ROBO2: variants seen among roughly 807,000 people sequenced by gnomAD.
ROBO2 encodes roundabout homolog 2.
A neutral mutation model predicts 160.8 loss-of-function variants in ROBO2; 53 were observed. That is an observed-to-expected ratio of 0.33 (90% CI 0.26 to 0.41). The LOEUF (loss-of-function observed/expected upper bound fraction) is 0.41, where lower values mean the gene tolerates loss of function less well. Ranked by LOEUF, ROBO2 falls within the 10% of genes least tolerant of loss-of-function variation. ROBO2 has a pLI of 1.00. For synonymous variants in ROBO2, 664 were observed against 611.7 expected, an observed-to-expected ratio of 1.09 and a Z score of -1.26; for missense variants, 1,577 against 1,722.4, an observed-to-expected ratio of 0.92 and a Z score of 1.49.
At chr3:76,347,031 A>G (rs966863406) in intron 2 of ROBO2, among the ~76,000 whole-genome samples, 1 of 152,172 alleles carries the variant, frequency 6.6e-6, no homozygotes, top group African/African-American at 2.4e-5. Flanking sequence ...TGAACACCTA[A>G]GGAGAAATAC....
At chr3:77,323,001 T>TAC in intron 2 of ROBO2, among the ~76,000 whole-genome samples, 1 of 786 alleles carries the variant, frequency 1.3e-3, no homozygotes, top group Non-Finnish European at 0.033. Context: ...TATAATATAT[T>TAC]ATATTATATT....
At position 77,323,592 on chromosome 3, in the gene ROBO2, G is replaced by T. The variant is rs377558029; in HGVS notation, c.389-153822G>T. ...GTGCATGCCTTTGGACTCTATTTGT[G>T]TATAGAGCTAAACCAATATTTGATA... is the stretch of plus-strand genomic sequence containing the variant. On this transcript the variant is annotated intron_variant, in intron 2 of 25. Coordinates refer to ENST00000461745, the Ensembl canonical transcript of ROBO2. Among the ~76,000 whole-genome samples the T allele has an allele frequency of 2.0e-5, 3 of 152,086 alleles. No homozygotes were observed. The South Asian group carries it at 6.2e-4, about 31-fold the overall frequency.
intron 21 of ROBO2, among the ~76,000 whole-genome samples, chr3:77,613,324 C>T (rs942378174): frequency 1.3e-5 from 2 of 151,774 alleles, no homozygotes; most frequent in African/African-American, 2.4e-5. Context: ...AAATAACAGA[C>T]TATTTCCATT....
chr3:75,977,988 A>C (rs909254315), intron 2 of ROBO2, among the ~76,000 whole-genome samples: 1 of 151,564 alleles, frequency 6.6e-6, no homozygotes, highest in Non-Finnish European at 1.5e-5. Flanking sequence ...AAGGAAGTTA[A>C]ATTAGCAAGA....
chr3:77,610,067 AATAG>A (rs1397150484), intron 21 of ROBO2, among the ~76,000 whole-genome samples: 1 of 151,502 alleles, frequency 6.6e-6, no homozygotes, highest in East Asian at 1.9e-4. Context: ...AATAAAAATT[AATAG>A]ATTGGGCATG....
At chr3:76,932,115 A>G (rs887052678) in intron 2 of ROBO2, among the ~76,000 whole-genome samples, 3 of 152,142 alleles carry the variant, frequency 2.0e-5, no homozygotes, top group African/African-American at 7.2e-5. Context: ...ACTTCCAAAC[A>G]TAGACTACCA....
intron 2 of ROBO2, among the ~76,000 whole-genome samples, chr3:77,350,034 G>A (rs2068128844): frequency 6.6e-6 from 1 of 151,468 alleles, no homozygotes; most frequent in Non-Finnish European, 1.5e-5. Flanking sequence ...TGATTTCACT[G>A]ACACCTGTAC....
intron 2 of ROBO2, among the ~76,000 whole-genome samples, chr3:75,995,312 C>T (rs2065693508): frequency 6.6e-6 from 1 of 152,108 alleles, no homozygotes; most frequent in South Asian, 2.1e-4. Flanking sequence ...AGTCTCAGGG[C>T]TTGGTGCTCT....
intron 2 of ROBO2, among the ~76,000 whole-genome samples, chr3:75,982,345 C>T (rs1576373440): frequency 6.6e-6 from 1 of 151,354 alleles, no homozygotes; most frequent in East Asian, 1.9e-4. Context: ...TGAGGAACTG[C>T]CAAACTGTTC....
At position 76,279,060 on chromosome 3, in the gene ROBO2, G is replaced by GA. The variant is rs1192277823; in HGVS notation, c.109+341462dup. ...TTATTGCAGCAAACATTTATGTATAGAAAATACAAACACATATTTTAATTA... is the reference window on the plus strand; with the variant it reads ...TTATTGCAGCAAACATTTATGTATAGAAAAATACAAACACATATTTTAATTA... On this transcript the variant is annotated intron_variant, in intron 2 of 26. Coordinates refer to the ROBO2 transcript ENST00000487694. 4.6e-5 allele frequency among the ~76,000 whole-genome samples: 7 copies of GA among 151,518 alleles called. No individual in the cohort carries two copies. The Admixed American group carries it at 4.6e-4, about 10-fold the overall frequency.
chr3:77,266,188 C>CT (rs879905756), intron 2 of ROBO2, among the ~76,000 whole-genome samples: 216 of 144,952 alleles, frequency 1.5e-3, no homozygotes, highest in Middle Eastern at 7.1e-3. Flanking sequence ...TTTATTTCTA[C>CT]TTTTTTTTTT....
chr3:76,578,380 C>CGAGA lies in ROBO2; in HGVS notation c.110-519634_110-519633insGAGA, dbSNP rs2085446899. 2.0e-5 allele frequency among the ~76,000 whole-genome samples: 3 copies of CGAGA among 152,078 alleles called. 1 individual carries two copies. Among genetic ancestry groups the CGAGA allele is most frequent in the Non-Finnish European group, 4.4e-5 (3 of 68,000 alleles). ...TACTCATTTTCTCAGTCGAGCTTCC[C>CGAGA]AATAAAATTGTCTACACAGGCTGGC... On this transcript the variant is annotated intron_variant, in intron 2 of 26. Transcript: ENST00000487694.
At chr3:76,672,037 G>A (rs1209232835) in intron 2 of ROBO2, among the ~76,000 whole-genome samples, 1 of 151,872 alleles carries the variant, frequency 6.6e-6, no homozygotes, top group Non-Finnish European at 1.5e-5. Context: ...GATTAAGATG[G>A]TCTATGAATA....
chr3:77,435,377 C>A (rs909402083), intron 2 of ROBO2, among the ~76,000 whole-genome samples: 1 of 151,816 alleles, frequency 6.6e-6, no homozygotes, highest in African/African-American at 2.4e-5. Context: ...AGAAACTGAT[C>A]TATTATGAAA....
At chr3:76,463,525 G>T (rs1250400432) in intron 2 of ROBO2, among the ~76,000 whole-genome samples, 1 of 151,948 alleles carries the variant, frequency 6.6e-6, no homozygotes, top group African/African-American at 2.4e-5. Context: ...TCACTTTTGG[G>T]GAAATTAGGG....
At chr3:77,575,257 G>T (rs2093732423) in intron 14 of ROBO2, among the ~76,000 whole-genome samples, 1 of 151,982 alleles carries the variant, frequency 6.6e-6, no homozygotes, top group African/African-American at 2.4e-5. Flanking sequence ...TTACCTAAAG[G>T]TATGTTAAAG....
chr3:77,123,809 T>G (rs2075027482), intron 2 of ROBO2, among the ~76,000 whole-genome samples: 1 of 149,202 alleles, frequency 6.7e-6, no homozygotes, highest in African/African-American at 2.4e-5. Flanking sequence ...AATCTATCTA[T>G]ATAGATACAC....
At chr3:77,012,373 C>T (rs1020825077) in intron 2 of ROBO2, among the ~76,000 whole-genome samples, 1 of 152,104 alleles carries the variant, frequency 6.6e-6, no homozygotes, top group Non-Finnish European at 1.5e-5. Context: ...AACTTTCAGC[C>T]TAAAGATTAA....
At chr3:76,300,297 G>A (rs1247267258) in intron 2 of ROBO2, among the ~76,000 whole-genome samples, 1 of 151,662 alleles carries the variant, frequency 6.6e-6, no homozygotes, top group African/African-American at 2.4e-5. Context: ...CCTAAATGGT[G>A]CCCACTATTC....
Sources: gnomAD v4.1 joint callset for allele counts (sites outside exome capture counted in the v4.1 genomes callset) on GRCh38, gnomAD v4.1.1 for gene constraint, MANE v1.5 for transcripts, NCBI Gene and HGNC (gene_info 2026-07-23, HGNC 2026-07-21) for gene names.